Variants in ARHGEF7 observed in about 807,000 individuals in gnomAD.
ARHGEF7 encodes the protein Rho guanine nucleotide exchange factor 7.
ARHGEF7 carries 33 observed loss-of-function variants against 109.8 expected under a neutral mutation model. The ratio of observed to expected loss-of-function variants is 0.30; its 90% CI spans 0.23 to 0.40. The LOEUF (loss-of-function observed/expected upper bound fraction) is 0.40, where lower values mean the gene tolerates loss of function less well. Ranked by LOEUF, ARHGEF7 falls within the 10% of genes least tolerant of loss-of-function variation. The probability of loss-of-function intolerance (pLI) is 1.00; values close to 1 mark genes in which losing one functional copy is unlikely to be tolerated. For synonymous variants in ARHGEF7, 458 were observed against 424.6 expected (o/e 1.08, Z -0.97); for missense variants, 938 against 1,098.5 (o/e 0.85, Z 2.07).
At chr13:111,181,781 G>C (rs1211476128) in intron 2 of ARHGEF7, among the ~76,000 whole-genome samples, 1 of 152,178 alleles carries the variant, frequency 6.6e-6, no homozygotes, top group Non-Finnish European at 1.5e-5. Flanking sequence ...ATGGGGTTGG[G>C]ACTCAGAGAG....
chr13:111,147,187 A>G (rs2075639139), intron 1 of ARHGEF7, among the ~76,000 whole-genome samples: 1 of 152,224 alleles, frequency 6.6e-6, no homozygotes, highest in Non-Finnish European at 1.5e-5. Flanking sequence ...CAGTGGACCT[A>G]TGCTTTCATC....
intron 2 of ARHGEF7, among the ~76,000 whole-genome samples, chr13:111,188,357 T>C (rs576390521): frequency 6.6e-6 from 1 of 152,216 alleles, no homozygotes; most frequent in South Asian, 2.1e-4. Flanking sequence ...AACAGATGCT[T>C]GTTGTTTGGG....
chr13:111,198,020 G>T (rs1006075442), intron 2 of ARHGEF7, among the ~76,000 whole-genome samples: 1 of 152,078 alleles, frequency 6.6e-6, no homozygotes, highest in Non-Finnish European at 1.5e-5. Flanking sequence ...CCAGCTTGTT[G>T]TTGGGACCCC....
intron 2 of ARHGEF7, among the ~76,000 whole-genome samples, chr13:111,196,799 A>G (rs926392558): frequency 3.9e-5 from 6 of 152,070 alleles, no homozygotes; most frequent in South Asian, 2.1e-4. Context: ...TTCTCCTTCA[A>G]TGAAAAGAAA....
chr13:111,137,482 A>T (rs528567482), intron 1 of ARHGEF7, among the ~76,000 whole-genome samples: 17 of 152,274 alleles, frequency 1.1e-4, no homozygotes, highest in Non-Finnish European at 2.2e-4. Flanking sequence ...TGCCCTCCCC[A>T]TCCTCATGCT....
intron 1 of ARHGEF7, among the ~76,000 whole-genome samples, chr13:111,134,535 GA>G (rs1330459725): frequency 6.6e-6 from 1 of 152,134 alleles, no homozygotes; most frequent in Non-Finnish European, 1.5e-5. Context: ...GCATTTCTCT[GA>G]TGGCCAGTGA....
At chr13:111,155,359 A>G (rs2076232281) in intron 2 of ARHGEF7, among the ~76,000 whole-genome samples, 1 of 152,242 alleles carries the variant, frequency 6.6e-6, no homozygotes, top group Non-Finnish European at 1.5e-5. Context: ...ATTGAATTAG[A>G]CATGTAGGAA....
At chr13:111,247,397 T>A (rs2089058143) in intron 8 of ARHGEF7, among the ~76,000 whole-genome samples, 1 of 151,896 alleles carries the variant, frequency 6.6e-6, no homozygotes, top group African/African-American at 2.4e-5. Flanking sequence ...GCCTCCCGAG[T>A]AGCTGGGATT....
chr13:111,189,603 A>T (rs1481215174), intron 2 of ARHGEF7, among the ~76,000 whole-genome samples: 1 of 152,226 alleles, frequency 6.6e-6, no homozygotes, highest in African/African-American at 2.4e-5. Context: ...GAAAGAACAA[A>T]GCTTCCACAG....
chr13:111,207,592 C>CT (rs1273994581), intron 3 of ARHGEF7, among the ~76,000 whole-genome samples: 1 of 152,206 alleles, frequency 6.6e-6, no homozygotes, highest in Non-Finnish European at 1.5e-5. Context: ...TTAGAGGTTG[C>CT]TCACAGGAGC....
At position 111,305,290 on chromosome 13, in the gene ARHGEF7, T is replaced by A. The variant is rs2093631115; in HGVS notation, c.*2177T>A. 1 of 152,232 alleles carries A rather than the reference T, an allele frequency of 6.6e-6. No homozygotes were observed. The highest frequency in any genetic ancestry group is 2.4e-5 in the African/African-American group (1 of 41,458). The allele number at this position is 152,232 out of a possible 1,614,324, so 9.4% of individuals were successfully genotyped here. On this transcript the variant is annotated 3_prime_UTR_variant, in exon 22 of 22. Coordinates refer to ENST00000646102, the MANE Select transcript of ARHGEF7 (RefSeq NM_001354046.2). The stretch of plus-strand genomic sequence containing the variant: ...AAAAACCTGCCCTGTTGTATATAAC[T>A]GTGTCTGTTTCACCGTGTGACCTCC...
intron 5 of ARHGEF7, among the ~76,000 whole-genome samples, chr13:111,229,873 C>T (rs1356110875): frequency 3.9e-5 from 6 of 152,184 alleles, no homozygotes; most frequent in African/African-American, 1.2e-4. Flanking sequence ...GCTGTGCCCC[C>T]GTCTGTGAGC....
intron 19 of ARHGEF7, among the ~76,000 whole-genome samples, chr13:111,298,446 C>A (rs1322890897): frequency 2.6e-5 from 4 of 152,132 alleles, no homozygotes; most frequent in Non-Finnish European, 5.9e-5. Context: ...CCAGGAAGGG[C>A]CCACCAGAAG....
At chr13:111,302,863 G>T in intron 21 of ARHGEF7, 128 bp from the exon 22 acceptor site, 3 of 1,219,856 alleles carry the variant, frequency 2.5e-6, no homozygotes, top group Non-Finnish European at 3.4e-6. Flanking sequence ...CGACCTCAGA[G>T]CCCATAGGCA....
intron 2 of ARHGEF7, among the ~76,000 whole-genome samples, chr13:111,167,973 T>G (rs1486702446): frequency 1.3e-5 from 2 of 152,202 alleles, no homozygotes; most frequent in Non-Finnish European, 2.9e-5. Context: ...CTGAACCTTC[T>G]TGCTGTGACA....
chr13:111,139,767 G>T (rs932763198), intron 1 of ARHGEF7, among the ~76,000 whole-genome samples: 31 of 152,248 alleles, frequency 2.0e-4, no homozygotes, highest in African/African-American at 7.0e-4. Context: ...AGCACTGGCT[G>T]AACTGATGCC....
At chr13:111,126,623 C>G (rs1174411548) in intron 1 of ARHGEF7, among the ~76,000 whole-genome samples, 5 of 152,176 alleles carry the variant, frequency 3.3e-5, no homozygotes, top group Admixed American at 2.6e-4. Flanking sequence ...GAATGTCTTT[C>G]AGACTTTATC....
rs1163740640 is a variant in ARHGEF7, at chr13:111,304,652, C to T, written c.*1539C>T. On this transcript the variant is annotated 3_prime_UTR_variant, in exon 22 of 22. Coordinates refer to ENST00000646102, the MANE Select transcript of ARHGEF7 (RefSeq NM_001354046.2). ...GTTGTGTTGCTGTTTACGGTTCTTCCTTGCCCTTGCTAATTACAGTCTCTG... is the reference window on the plus strand; with the variant it reads ...GTTGTGTTGCTGTTTACGGTTCTTCTTTGCCCTTGCTAATTACAGTCTCTG... 1 of 152,248 alleles carries T rather than the reference C, an allele frequency of 6.6e-6. No homozygotes were observed. The highest frequency in any genetic ancestry group is 6.5e-5 in the Admixed American group (1 of 15,278). The allele number at this position is 152,248 out of a possible 1,614,324, so 9.4% of individuals were successfully genotyped here.
At chr13:111,141,789 G>A (rs1388966702) in intron 1 of ARHGEF7, among the ~76,000 whole-genome samples, 1 of 152,222 alleles carries the variant, frequency 6.6e-6, no homozygotes, top group African/African-American at 2.4e-5. Flanking sequence ...AAACAAATGT[G>A]TGCAGGGTTT....
Sources: gnomAD v4.1 joint callset for allele counts (sites outside exome capture counted in the v4.1 genomes callset) on GRCh38, gnomAD v4.1.1 for gene constraint, MANE v1.5 for transcripts, NCBI Gene and HGNC (gene_info 2026-07-23, HGNC 2026-07-21) for gene names.